Variants in BTRC observed in about 807,000 individuals in gnomAD.
BTRC encodes F-box/WD repeat-containing protein 1A.
In BTRC, 42 loss-of-function variants were observed where a neutral mutation model predicts 85.5. The ratio of observed to expected loss-of-function variants is 0.49; its 90% CI spans 0.38 to 0.64. BTRC has a LOEUF of 0.64. Ranked by LOEUF, BTRC falls within the 30% of genes least tolerant of loss-of-function variation. The pLI is 0.00. For synonymous variants in BTRC, 255 were observed against 263.3 expected (o/e 0.97, Z 0.30); for missense variants, 594 against 743.5 (o/e 0.80, Z 2.34).
intron 2 of BTRC, among the ~76,000 whole-genome samples, chr10:101,443,115 C>T (rs1214511881): frequency 6.6e-6 from 1 of 152,038 alleles, no homozygotes; most frequent in Non-Finnish European, 1.5e-5. Context: ...ATCTCCTGAC[C>T]TCGTGATCCG....
chr10:101,359,062 G>A lies in BTRC; in HGVS notation c.48+4834G>A, dbSNP rs557398032. ...CATCTCTTTTTTTGAGGTTAACTTC[G>A]GAAGGCACTAACATGATCTCCTGCG... On this transcript the variant is annotated intron_variant, in intron 1 of 14. Transcript: ENST00000370187. Among the ~76,000 whole-genome samples the A allele has an allele frequency of 4.2e-4, 64 of 152,198 alleles. 1 individual carries two copies. The South Asian group carries it at 0.013, about 32-fold the overall frequency.
intron 2 of BTRC, among the ~76,000 whole-genome samples, chr10:101,443,861 C>T (rs1173969894): frequency 1.3e-5 from 2 of 152,132 alleles, no homozygotes; most frequent in African/African-American, 4.8e-5. Flanking sequence ...GCCACAACTC[C>T]GATTCGATTC....
rs71016314 is a variant in BTRC at position 101,381,962 on chromosome 10, C to CTTTTTTTTTTT, written c.48+27762_48+27772dup. 1.8e-4 allele frequency among the ~76,000 whole-genome samples: 9 copies of CTTTTTTTTTTT among 49,156 alleles called. 3 individuals carry two copies. Among genetic ancestry groups the CTTTTTTTTTTT allele is most frequent in the African/African-American group, 8.9e-4 (8 of 8,978 alleles). The allele number at this position is 49,156 out of a possible 152,430, so 32.2% of individuals were successfully genotyped here. A position where few individuals can be genotyped will look rare whatever the true frequency, so the allele number is the denominator to read the frequency against. On this transcript the variant is annotated intron_variant, in intron 1 of 14. Transcript: ENST00000370187. ...GAACCCCTAGTTATCCTAAGAATGTCTTTTTTTTTTTTTTTTTTTTTTTTT... is the reference window on the plus strand; with the variant it reads ...GAACCCCTAGTTATCCTAAGAATGTCTTTTTTTTTTTTTTTTTTTTTTTTTTTTTTTTTTTT...
intron 1 of BTRC, among the ~76,000 whole-genome samples, chr10:101,402,685 G>A (rs1005779881): frequency 6.6e-6 from 1 of 152,200 alleles, no homozygotes; most frequent in African/African-American, 2.4e-5. Context: ...TACCAGCAAA[G>A]AAGGTGAAGT....
intron 1 of BTRC, among the ~76,000 whole-genome samples, chr10:101,423,952 G>A (rs1361992972): frequency 3.9e-5 from 6 of 152,042 alleles, no homozygotes; most frequent in Non-Finnish European, 7.4e-5. Context: ...TATTTTAGCC[G>A]GGTGAGGTGG....
chr10:101,430,248 A>G, intron 1 of BTRC, 97 bp from the exon 2 acceptor site: 1 of 667,240 alleles, frequency 1.5e-6, no homozygotes, highest in Non-Finnish European at 2.5e-6. Flanking sequence ...GGTCAGCTGC[A>G]ACTGGAATAT....
chr10:101,502,100 GA>G (rs1946413159), intron 4 of BTRC, among the ~76,000 whole-genome samples: 1 of 152,158 alleles, frequency 6.6e-6, no homozygotes, highest in African/African-American at 2.4e-5. Context: ...GCCTATTTCT[GA>G]GAGAAAGGAA....
intron 1 of BTRC, among the ~76,000 whole-genome samples, chr10:101,387,047 A>G (rs1489553958): frequency 6.6e-6 from 1 of 152,158 alleles, no homozygotes; most frequent in Non-Finnish European, 1.5e-5. Flanking sequence ...TTCTCCATCA[A>G]TCTGCAGTGT....
At chr10:101,393,969 G>T (rs1426786301) in intron 1 of BTRC, among the ~76,000 whole-genome samples, 1 of 152,226 alleles carries the variant, frequency 6.6e-6, no homozygotes, top group Non-Finnish European at 1.5e-5. Flanking sequence ...TTCGTAGACT[G>T]TAGAGCATGT....
intron 3 of BTRC, among the ~76,000 whole-genome samples, chr10:101,465,223 T>G (rs1035571402): frequency 1.1e-4 from 17 of 152,250 alleles, no homozygotes; most frequent in African/African-American, 4.1e-4. Flanking sequence ...GAGATTCTTT[T>G]GCAGATATTT....
intron 3 of BTRC, among the ~76,000 whole-genome samples, chr10:101,478,882 T>C (rs1027158687): frequency 8.9e-5 from 13 of 145,462 alleles, no homozygotes; most frequent in African/African-American, 3.3e-4. Flanking sequence ...GAGGTTGCAG[T>C]GAGCCGAGAT....
At chr10:101,463,011 G>A (rs1945270773) in intron 3 of BTRC, among the ~76,000 whole-genome samples, 2 of 150,118 alleles carry the variant, frequency 1.3e-5, no homozygotes, top group Non-Finnish European at 3.0e-5. Flanking sequence ...GGAATTACAG[G>A]TGCCTGCCAC....
At chr10:101,354,617 C>G (rs1213216291) in intron 1 of BTRC, 1 of 264,818 alleles carries the variant, frequency 3.8e-6, no homozygotes, top group Non-Finnish European at 7.1e-6. Context: ...CCGGTAAGGC[C>G]CGGGAGAGGA....
At chr10:101,457,054 T>G (rs1945101339) in intron 2 of BTRC, among the ~76,000 whole-genome samples, 1 of 152,230 alleles carries the variant, frequency 6.6e-6, no homozygotes, top group African/African-American at 2.4e-5. Flanking sequence ...ATACCTATGA[T>G]AAAGTTTAAT....
chr10:101,527,191 G>A (rs541130399), intron 6 of BTRC, among the ~76,000 whole-genome samples: 36 of 152,238 alleles, frequency 2.4e-4, no homozygotes, highest in African/African-American at 7.5e-4. Context: ...ATCATAAAGA[G>A]GAAAACAGTT....
chr10:101,533,046 C>G lies in BTRC; in HGVS notation c.1073C>G (p.Thr358Arg). 6.2e-7 allele frequency: 1 copy of G among 1,611,534 alleles called. No individual in the cohort carries two copies. The highest frequency in any genetic ancestry group is 8.5e-7 in the Non-Finnish European group (1 of 1,177,842). ...CAGTATGATGAGAGAGTGATCATAA[C>G]AGGATCATCGGATTCCACGGTCAGG... Reference protein sequence around the residue: ...CLQYDERVIITGSSDSTVRVW... With the variant: ...CLQYDERVIIRGSSDSTVRVW... The change falls in exon 9 of 15, where the codon ACA (threonine) becomes AGA (arginine). Residue 358 changes from threonine to arginine, a missense_variant. Transcript: ENST00000370187.
At chr10:101,433,474 G>A (rs1359727783) in intron 2 of BTRC, among the ~76,000 whole-genome samples, 1 of 152,174 alleles carries the variant, frequency 6.6e-6, no homozygotes, top group Non-Finnish European at 1.5e-5. Context: ...CTCGATAACA[G>A]GGAGGAATGG....
At chr10:101,356,851 G>A (rs1001962246) in intron 1 of BTRC, among the ~76,000 whole-genome samples, 2 of 152,304 alleles carry the variant, frequency 1.3e-5, no homozygotes, top group East Asian at 3.9e-4. Context: ...AGGAAGATAG[G>A]CCGGGTGCGG....
intron 2 of BTRC, among the ~76,000 whole-genome samples, chr10:101,432,517 T>C (rs529549753): frequency 6.6e-6 from 1 of 152,304 alleles, no homozygotes; most frequent in African/African-American, 2.4e-5. Flanking sequence ...TTGTTTTGTT[T>C]TGTTTTTTAA....
Sources: allele counts gnomAD v4.1 joint callset (sites outside exome capture counted in the v4.1 genomes callset), GRCh38; gene constraint gnomAD v4.1.1; transcripts MANE v1.5; gene names NCBI Gene and HGNC (gene_info 2026-07-23, HGNC 2026-07-21).